Variants in JOSD1 observed in about 807,000 individuals in gnomAD.
The protein encoded by JOSD1 is Josephin domain containing 1, also known as josephin-1.
Under a neutral mutation model 24.3 loss-of-function variants are expected in JOSD1, and 11 were observed. The observed-to-expected ratio is 0.45, with a 90% CI of 0.29 to 0.75. JOSD1 has a LOEUF of 0.75. Among genes scored for constraint, JOSD1 ranks in the 30% least tolerant of loss-of-function variants. JOSD1 has a pLI of 0.11. For missense variants in JOSD1, 184 were observed against 253.5 expected (o/e 0.73, Z 1.86); for synonymous variants, 106 against 93.8 (o/e 1.13, Z -0.75).
At chr22:38,694,918 A>C (rs1265697291) in intron 2 of JOSD1, among the ~76,000 whole-genome samples, 1 of 150,486 alleles carries the variant, frequency 6.6e-6, no homozygotes, top group African/African-American at 2.4e-5. Flanking sequence ...AGGTCTCCCC[A>C]CTGTCTGTGT....
chr22:38,697,762 A>C (rs1484129767), intron 2 of JOSD1, among the ~76,000 whole-genome samples: 1 of 152,286 alleles, frequency 6.6e-6, no homozygotes, highest in African/African-American at 2.4e-5. Flanking sequence ...TCCATCTTGG[A>C]AGATCAGTGT....
intron 2 of JOSD1, 110 bp from the exon 3 acceptor site, chr22:38,689,534 T>C: frequency 7.2e-7 from 1 of 1,396,238 alleles, no homozygotes; most frequent in South Asian, 1.3e-5. Flanking sequence ...GAAGTTAGTT[T>C]CCCCACATTC....
intron 2 of JOSD1, among the ~76,000 whole-genome samples, chr22:38,693,914 T>C (rs1180292589): frequency 6.6e-6 from 1 of 152,232 alleles, no homozygotes; most frequent in African/African-American, 2.4e-5. Flanking sequence ...CCATGCCTGT[T>C]ACCTTGCCTG....
chr22:38,694,300 T>G (rs1370887669), intron 2 of JOSD1, among the ~76,000 whole-genome samples: 1 of 152,198 alleles, frequency 6.6e-6, no homozygotes, highest in Admixed American at 6.5e-5. Context: ...ACTTGCACAG[T>G]CAGGCACAGC....
At chr22:38,698,882 G>A (rs1311603137) in intron 2 of JOSD1, among the ~76,000 whole-genome samples, 4 of 152,010 alleles carry the variant, frequency 2.6e-5, no homozygotes, top group East Asian at 1.9e-4. Context: ...TCAGCCTCCC[G>A]ACTAGCTGGG....
rs140793349 is a variant in JOSD1, at chr22:38,687,707, C to T, written c.*195G>A. 6.1e-4 allele frequency: 338 copies of T among 553,776 alleles called. No individual in the cohort carries two copies. The highest frequency in any genetic ancestry group is 5.7e-3 in the Middle Eastern group (12 of 2,090). 34.3% of individuals were successfully genotyped at this position (553,776 alleles called of 1,614,324 possible). On this transcript the variant is annotated 3_prime_UTR_variant, in exon 5 of 5. Transcript: ENST00000683374. ...GGCCTTAAGTGCACAGAACTCCTAC[C>T]TTCCTTGCCCAGGAACAAAACACTG... is the stretch of plus-strand genomic sequence containing the variant.
In JOSD1 at chr22:38,685,798, C is replaced by T. The variant is rs1366970344; in HGVS notation, c.*2104G>A. 6.6e-6 allele frequency: 1 copy of T among 152,574 alleles called. No individual in the cohort carries two copies. The highest frequency in any genetic ancestry group is 1.5e-5 in the Non-Finnish European group (1 of 68,050). The allele number at this position is 152,574 out of a possible 1,614,324, so 9.5% of individuals were successfully genotyped here. The stretch of plus-strand genomic sequence containing the variant: ...CCTTAAAGGAAGTGGGGCTTTTTGC[C>T]CTTGGGCATCAGCATGGGTCCCTGT... On this transcript the variant is annotated 3_prime_UTR_variant, in exon 5 of 5. Transcript: ENST00000683374.
chr22:38,692,223 T>C (rs1227987589), intron 2 of JOSD1, among the ~76,000 whole-genome samples: 1 of 152,262 alleles, frequency 6.6e-6, no homozygotes, highest in African/African-American at 2.4e-5. Flanking sequence ...TTATTTCTAT[T>C]GTATAGGTCC....
chr22:38,693,300 T>C (rs1476758504), intron 2 of JOSD1, among the ~76,000 whole-genome samples: 1 of 152,198 alleles, frequency 6.6e-6, no homozygotes, highest in Non-Finnish European at 1.5e-5. Context: ...TCAAATCCTT[T>C]CCTATTACCA....
chr22:38,695,166 G>T (rs566251572), intron 2 of JOSD1, among the ~76,000 whole-genome samples: 1 of 152,266 alleles, frequency 6.6e-6, no homozygotes, highest in Admixed American at 6.5e-5. Context: ...TTAGTAATCC[G>T]TAGGTGTTAG....
chr22:38,690,284 C>T (rs954856591), intron 2 of JOSD1, among the ~76,000 whole-genome samples: 4 of 152,182 alleles, frequency 2.6e-5, no homozygotes, highest in Admixed American at 2.0e-4. Context: ...CAAGAGGCTA[C>T]TACATGCCAT....
chr22:38,696,241 CT>C (rs568708150), intron 2 of JOSD1, among the ~76,000 whole-genome samples: 2,803 of 146,488 alleles, frequency 0.019, 64 homozygotes, highest in African/African-American at 0.062. Flanking sequence ...TATACCCCCC[CT>C]TTTTTTTTTT....
Position 38,685,555 on chromosome 22 carries a change from A to G in JOSD1, c.*2347T>C, listed in dbSNP as rs577660086. On this transcript the variant is annotated 3_prime_UTR_variant, in exon 5 of 5. Coordinates refer to ENST00000683374, the MANE Select transcript of JOSD1 (RefSeq NM_001360236.2). Reference sequence around the variant, plus strand: ...GCTGGCAATGAACTCCTTTTAAAACAGCGTCATACTAAAGTTTATTTTTCT... The same window carrying G: ...GCTGGCAATGAACTCCTTTTAAAACGGCGTCATACTAAAGTTTATTTTTCT... 1.3e-5 allele frequency: 2 copies of G among 152,286 alleles called. No individual in the cohort carries two copies. The highest frequency in any genetic ancestry group is 4.8e-5 in the African/African-American group (2 of 41,464). The allele number at this position is 152,286 out of a possible 1,614,324, so 9.4% of individuals were successfully genotyped here. A position where few individuals can be genotyped will look rare whatever the true frequency, so the allele number is the denominator to read the frequency against.
At chr22:38,691,445 A>G (rs2092521882) in intron 2 of JOSD1, among the ~76,000 whole-genome samples, 1 of 152,054 alleles carries the variant, frequency 6.6e-6, no homozygotes, top group African/African-American at 2.4e-5. Context: ...TGGCACCTAA[A>G]GCACTTAAAT....
rs1162805952 is a variant in JOSD1, at chr22:38,700,411, T to C, written c.-424A>G. ...ATCGCTCCTTTTCTTCCATTTCTTT[T>C]GAACCACGACGCCAATGACTCGGGA... is the stretch of plus-strand genomic sequence containing the variant. On this transcript the variant is annotated 5_prime_UTR_variant, in exon 2 of 5. Transcript: ENST00000683374. 1 of 988,242 alleles carries C rather than the reference T, an allele frequency of 1.0e-6. No homozygotes were observed. The highest frequency in any genetic ancestry group is 1.2e-6 in the Non-Finnish European group (1 of 831,696). 61.2% of individuals were successfully genotyped at this position (988,242 alleles called of 1,614,324 possible).
chr22:38,698,691 A>C (rs747447757), intron 2 of JOSD1, among the ~76,000 whole-genome samples: 16 of 152,234 alleles, frequency 1.1e-4, no homozygotes, highest in Non-Finnish European at 1.5e-4. Flanking sequence ...GTCCATTAAG[A>C]CACCACAGAA....
intron 4 of JOSD1, among the ~76,000 whole-genome samples, 174 bp from the exon 5 acceptor site, chr22:38,688,175 AT>A (rs1236144443): frequency 6.6e-6 from 1 of 152,190 alleles, no homozygotes; most frequent in Non-Finnish European, 1.5e-5. Context: ...TCCAGTTAAA[AT>A]TCCAACCTGA....
Position 38,700,554 on chromosome 22 carries a change from T to C in JOSD1, c.-567A>G. 1.0e-6 allele frequency: 1 copy of C among 985,408 alleles called. No individual in the cohort carries two copies. The highest frequency in any genetic ancestry group is 1.7e-5 in the African/African-American group (1 of 57,262). 61.0% of individuals were successfully genotyped at this position (985,408 alleles called of 1,614,324 possible). A position where few individuals can be genotyped will look rare whatever the true frequency, so the allele number is the denominator to read the frequency against. On this transcript the variant is annotated 5_prime_UTR_variant, in exon 2 of 5. Coordinates refer to ENST00000683374, the MANE Select transcript of JOSD1 (RefSeq NM_001360236.2). The stretch of plus-strand genomic sequence containing the variant: ...GGGGGCAGCCCTCCATCCCCTCGGG[T>C]ACGGTGGGGCCCGCAGGGCGCGGCT...
In JOSD1 at chr22:38,686,394, A is replaced by T. The variant is rs2092497976; in HGVS notation, c.*1508T>A. 6.6e-6 allele frequency: 1 copy of T among 152,256 alleles called. No individual in the cohort carries two copies. The highest frequency in any genetic ancestry group is 1.5e-5 in the Non-Finnish European group (1 of 68,032). 9.4% of individuals were successfully genotyped at this position (152,256 alleles called of 1,614,324 possible). ...GCTGGAGAGAAGTCTGGCCAGTGGGACAGCTCTCAGACCTGCCACGACCAT... is the reference window on the plus strand; with the variant it reads ...GCTGGAGAGAAGTCTGGCCAGTGGGTCAGCTCTCAGACCTGCCACGACCAT... On this transcript the variant is annotated 3_prime_UTR_variant, in exon 5 of 5. Coordinates refer to ENST00000683374, the MANE Select transcript of JOSD1 (RefSeq NM_001360236.2).
Sources: allele counts gnomAD v4.1 joint callset (sites outside exome capture counted in the v4.1 genomes callset), GRCh38; gene constraint gnomAD v4.1.1; transcripts MANE v1.5; gene names NCBI Gene and HGNC (gene_info 2026-07-23, HGNC 2026-07-21).